Variants in PHF21A observed in about 807,000 individuals in gnomAD.
The protein encoded by PHF21A is BHC80a.
PHF21A carries 11 observed loss-of-function variants against 82.5 expected under a neutral mutation model. That is an observed-to-expected ratio of 0.13 (90% CI 0.08 to 0.22). The LOEUF is 0.22. PHF21A is among the 10% of genes least tolerant of loss of function. PHF21A has a pLI of 1.00. For missense variants in PHF21A, 579 were observed against 837.8 expected (o/e 0.69, Z 3.81); for synonymous variants, 297 against 302.8 (o/e 0.98, Z 0.20).
chr11:46,056,839 G>GC (rs2096464539), intron 6 of PHF21A, among the ~76,000 whole-genome samples: 1 of 152,070 alleles, frequency 6.6e-6, no homozygotes, highest in African/African-American at 2.4e-5. Context: ...CAATACTCAT[G>GC]CTGTCCTCCT....
intron 10 of PHF21A, among the ~76,000 whole-genome samples, chr11:45,965,079 T>A (rs1313971711): frequency 6.6e-6 from 1 of 152,094 alleles, no homozygotes; most frequent in Non-Finnish European, 1.5e-5. Context: ...CAGGGGGAGC[T>A]CACTCACACA....
intron 6 of PHF21A, among the ~76,000 whole-genome samples, chr11:46,020,403 G>A (rs777731972): frequency 6.6e-5 from 10 of 152,130 alleles, no homozygotes; most frequent in African/African-American, 1.2e-4. Flanking sequence ...GACACTGTTC[G>A]ATGGGTCTTT....
At chr11:46,094,475 T>C (rs555957808) in intron 1 of PHF21A, among the ~76,000 whole-genome samples, 9 of 152,326 alleles carry the variant, frequency 5.9e-5, no homozygotes, top group African/African-American at 2.2e-4. Context: ...TAGACCTCAC[T>C]TTCTCTTAAC....
At chr11:46,096,662 C>T (rs1479292416) in intron 1 of PHF21A, among the ~76,000 whole-genome samples, 1 of 152,032 alleles carries the variant, frequency 6.6e-6, no homozygotes, top group Non-Finnish European at 1.5e-5. Flanking sequence ...CTCCTTGCCT[C>T]CAACACCTTA....
chr11:46,018,023 G>A (rs1486099017), intron 6 of PHF21A, among the ~76,000 whole-genome samples: 1 of 152,076 alleles, frequency 6.6e-6, no homozygotes, highest in Non-Finnish European at 1.5e-5. Flanking sequence ...GGCCGAGGCG[G>A]GCGGATCACG....
At chr11:46,076,512 G>A (rs1019882948) in intron 6 of PHF21A, among the ~76,000 whole-genome samples, 4 of 151,962 alleles carry the variant, frequency 2.6e-5, no homozygotes, top group Non-Finnish European at 4.4e-5. Context: ...CACAGTTAAC[G>A]GCAGCCTGCC....
At chr11:46,115,784 T>C (rs1338176880) in intron 1 of PHF21A, among the ~76,000 whole-genome samples, 1 of 152,176 alleles carries the variant, frequency 6.6e-6, no homozygotes, top group Admixed American at 6.5e-5. Context: ...TCTGTTTGAA[T>C]AGTAATTAAA....
At chr11:46,069,095 A>G (rs867634866) in intron 6 of PHF21A, among the ~76,000 whole-genome samples, 4 of 152,232 alleles carry the variant, frequency 2.6e-5, no homozygotes, top group Non-Finnish European at 4.4e-5. Flanking sequence ...CAGTCACACT[A>G]CATATATACA....
chr11:46,101,211 G>A (rs1442522782), intron 1 of PHF21A, among the ~76,000 whole-genome samples: 1 of 152,174 alleles, frequency 6.6e-6, no homozygotes, highest in African/African-American at 2.4e-5. Context: ...CTGTCCAGCA[G>A]GCATCGTTCT....
At chr11:45,980,346 C>T (rs2094225259) in intron 6 of PHF21A, among the ~76,000 whole-genome samples, 1 of 152,160 alleles carries the variant, frequency 6.6e-6, no homozygotes, top group African/African-American at 2.4e-5. Context: ...CTACTCACAG[C>T]TCTAAGATGT....
chr11:45,974,071 T>C (rs1455159003), intron 7 of PHF21A, among the ~76,000 whole-genome samples: 1 of 152,232 alleles, frequency 6.6e-6, no homozygotes, highest in Non-Finnish European at 1.5e-5. Context: ...GTTAGCAGTT[T>C]TCTTTTATTT....
chr11:45,935,741 T>TTTA lies in PHF21A; in HGVS notation c.1685-3_1685-2insTAA. On this transcript the variant is annotated splice_region_variant and splice_polypyrimidine_tract_variant and intron_variant, in intron 17 of 18. Transcript: ENST00000676320. The stretch of plus-strand genomic sequence containing the variant: ...ACTTCTGTTTCTCTTCTTCTTTTGC[T>TTTA]AAAAAAAAAAAAAAAAAAAAAAAGG... 5.7e-6 allele frequency: 3 copies of TTTA among 523,490 alleles called. No individual in the cohort carries two copies. The highest frequency in any genetic ancestry group is 2.3e-5 in the South Asian group (1 of 42,674). The allele number at this position is 523,490 out of a possible 1,614,324, so 32.4% of individuals were successfully genotyped here. A position where few individuals can be genotyped will look rare whatever the true frequency, so the allele number is the denominator to read the frequency against.
intron 6 of PHF21A, among the ~76,000 whole-genome samples, chr11:46,060,092 G>C (rs1046117230): frequency 6.6e-6 from 1 of 152,040 alleles, no homozygotes; most frequent in African/African-American, 2.4e-5. Context: ...AGACTTAAAG[G>C]ATCTAAAACA....
intron 15 of PHF21A, among the ~76,000 whole-genome samples, chr11:45,939,512 C>T (rs1447244181): frequency 6.6e-6 from 1 of 152,170 alleles, no homozygotes; most frequent in Non-Finnish European, 1.5e-5. Flanking sequence ...AAAGCAACAG[C>T]TGACAATGTT....
chr11:46,069,332 A>G (rs2096629958), intron 6 of PHF21A, among the ~76,000 whole-genome samples: 1 of 152,238 alleles, frequency 6.6e-6, no homozygotes, highest in Admixed American at 6.5e-5. Flanking sequence ...ATTACACAGG[A>G]GGGATGAACT....
At position 45,949,376 on chromosome 11, in the gene PHF21A, A is replaced by C. The variant is rs149041324; in HGVS notation, c.1227+26T>G. 9 of 1,586,818 alleles carry C rather than the reference A, an allele frequency of 5.7e-6. No individual in the cohort carries two copies. The African/African-American group carries it at 9.4e-5, about 17-fold the overall frequency. ...CATAAATAAAACTGGAACATGAGGGAAGGGCCAGATGCTGGCCAGTAATAC... is the reference window on the plus strand; with the variant it reads ...CATAAATAAAACTGGAACATGAGGGCAGGGCCAGATGCTGGCCAGTAATAC... On this transcript the variant is annotated intron_variant, in intron 13 of 18. Coordinates refer to ENST00000676320, the MANE Select transcript of PHF21A (RefSeq NM_001352027.3).
intron 6 of PHF21A, among the ~76,000 whole-genome samples, chr11:46,044,117 A>C (rs945015724): frequency 1.1e-4 from 16 of 152,168 alleles, no homozygotes; most frequent in Non-Finnish European, 8.8e-5. Context: ...GACTAGAATC[A>C]AGTTTCAACC....
intron 6 of PHF21A, among the ~76,000 whole-genome samples, chr11:45,989,061 A>T (rs1043692263): frequency 1.3e-5 from 2 of 152,190 alleles, no homozygotes; most frequent in Non-Finnish European, 2.9e-5. Context: ...TCGTCAAACA[A>T]CAGGGAGGGT....
intron 11 of PHF21A, 30 bp from the exon 12 acceptor site, chr11:45,950,287 C>T: frequency 6.2e-7 from 1 of 1,603,598 alleles, no homozygotes; most frequent in Non-Finnish European, 8.5e-7. Flanking sequence ...GAAGAATATG[C>T]TTCAGTCTGG....
Sources: allele counts gnomAD v4.1 joint callset (sites outside exome capture counted in the v4.1 genomes callset), GRCh38; gene constraint gnomAD v4.1.1; transcripts MANE v1.5; gene names NCBI Gene and HGNC (gene_info 2026-07-23, HGNC 2026-07-21).